SLAIN1: variants seen among roughly 807,000 people sequenced by gnomAD.
SLAIN1 encodes the protein SLAIN family member 1, also known as SLAIN motif-containing protein 1.
SLAIN1 carries 17 observed loss-of-function variants against 55.4 expected under a neutral mutation model. The observed-to-expected ratio is 0.31, with a 90% CI of 0.21 to 0.46. SLAIN1 has a LOEUF of 0.46. Ranked by LOEUF, SLAIN1 falls within the 20% of genes least tolerant of loss-of-function variation. The probability of loss-of-function intolerance (pLI) is 1.00; values close to 1 mark genes in which losing one functional copy is unlikely to be tolerated. For synonymous variants in SLAIN1, 348 were observed against 337.4 expected, an observed-to-expected ratio of 1.03 and a Z score of -0.35; for missense variants, 682 against 785.1, an observed-to-expected ratio of 0.87 and a Z score of 1.57.
chr13:77,731,694 C>T (rs1872869008), intron 2 of SLAIN1, among the ~76,000 whole-genome samples: 1 of 151,874 alleles, frequency 6.6e-6, no homozygotes, highest in African/African-American at 2.4e-5. Context: ...TATAGCTATC[C>T]CAATCACAGC....
chr13:77,703,930 T>A (rs377232441), intron 1 of SLAIN1, among the ~76,000 whole-genome samples: 1 of 138,834 alleles, frequency 7.2e-6, no homozygotes, highest in South Asian at 2.2e-4. Flanking sequence ...TATTTTTATA[T>A]GTGTATATAT....
At chr13:77,740,268 A>G (rs1436503566) in intron 2 of SLAIN1, among the ~76,000 whole-genome samples, 1 of 152,014 alleles carries the variant, frequency 6.6e-6, no homozygotes, top group Non-Finnish European at 1.5e-5. Context: ...TGGTGGCTGG[A>G]AGTTTGTTGA....
chr13:77,727,533 A>G (rs1035403749), intron 2 of SLAIN1, among the ~76,000 whole-genome samples: 1 of 151,864 alleles, frequency 6.6e-6, no homozygotes, highest in Non-Finnish European at 1.5e-5. Context: ...CCCTCAAAAA[A>G]CCAAAACAGA....
intron 6 of SLAIN1, among the ~76,000 whole-genome samples, chr13:77,761,395 C>CT (rs1875010132): frequency 6.6e-6 from 1 of 152,168 alleles, no homozygotes; most frequent in Non-Finnish European, 1.5e-5. Flanking sequence ...GCTTTTGTAG[C>CT]TTTCTGCTCC....
intron 5 of SLAIN1, among the ~76,000 whole-genome samples, chr13:77,758,189 G>T (rs745613954): frequency 9.9e-5 from 15 of 152,026 alleles, no homozygotes; most frequent in South Asian, 4.1e-4. Context: ...TAGTGATGTT[G>T]AACATTTTTT....
chr13:77,739,425 T>A (rs1419054333), intron 2 of SLAIN1, among the ~76,000 whole-genome samples: 1 of 152,084 alleles, frequency 6.6e-6, no homozygotes, highest in East Asian at 1.9e-4. Flanking sequence ...CTGAAATGAC[T>A]GTAGTGAGAA....
chr13:77,700,170 T>C (rs1386081074), intron 1 of SLAIN1, among the ~76,000 whole-genome samples: 1 of 152,078 alleles, frequency 6.6e-6, no homozygotes, highest in Non-Finnish European at 1.5e-5. Flanking sequence ...ATTTCTGTCA[T>C]ATTTAGTTAG....
chr13:77,703,555 G>C (rs749605852), intron 1 of SLAIN1, among the ~76,000 whole-genome samples: 4 of 152,028 alleles, frequency 2.6e-5, no homozygotes, highest in Admixed American at 1.3e-4. Flanking sequence ...TTGAAGTGAG[G>C]TGCTGAAGTA....
intron 2 of SLAIN1, among the ~76,000 whole-genome samples, chr13:77,724,523 T>C (rs185758989): frequency 6.4e-4 from 97 of 152,336 alleles, no homozygotes; most frequent in African/African-American, 2.2e-3. Flanking sequence ...TACTGTAGTG[T>C]GGTTTTATAA....
At chr13:77,752,943 C>T (rs562361722) in intron 4 of SLAIN1, among the ~76,000 whole-genome samples, 1 of 152,318 alleles carries the variant, frequency 6.6e-6, no homozygotes, top group East Asian at 1.9e-4. Flanking sequence ...CTCACAGACA[C>T]ACCCAGGAGC....
chr13:77,706,074 C>T (rs2091086561), intron 1 of SLAIN1, among the ~76,000 whole-genome samples: 1 of 152,002 alleles, frequency 6.6e-6, no homozygotes, highest in South Asian at 2.1e-4. Flanking sequence ...TCCTCTACTC[C>T]CTCCTCCTGC....
At position 77,698,788 on chromosome 13, in the gene SLAIN1, A is replaced by T. The variant is rs1358010831; in HGVS notation, c.626+249A>T. ...GATGAACCGGCCCCCCCTTCCCCCC[A>T]TCTGCCATGGGTTCTGCTATTTGCT... On this transcript the variant is annotated intron_variant, in intron 1 of 6. Coordinates refer to ENST00000418532, the MANE Select transcript of SLAIN1 (RefSeq NM_001242868.2). This position sits in a 1 kb window ranked among gnomAD's most constrained non-coding sequence, Gnocchi z 4.1. The T allele has an allele frequency of 1.6e-6, 2 of 1,284,178 alleles. No homozygotes were observed. Among genetic ancestry groups the T allele is most frequent in the African/African-American group, 3.0e-5 (2 of 67,058 alleles). The allele number at this position is 1,284,178 out of a possible 1,614,324, so 79.5% of individuals were successfully genotyped here. A position where few individuals can be genotyped will look rare whatever the true frequency, so the allele number is the denominator to read the frequency against.
intron 2 of SLAIN1, among the ~76,000 whole-genome samples, chr13:77,736,539 TA>T (rs1873128928): frequency 6.6e-6 from 1 of 152,076 alleles, no homozygotes; most frequent in Admixed American, 6.6e-5. Flanking sequence ...CCTCTTTTTT[TA>T]AACAACAACA....
chr13:77,722,354 T>A (rs990022542), intron 2 of SLAIN1, among the ~76,000 whole-genome samples: 1 of 152,128 alleles, frequency 6.6e-6, no homozygotes, highest in Non-Finnish European at 1.5e-5. Flanking sequence ...AAAATTCTTT[T>A]TTAAAAAATT....
chr13:77,711,146 C>T (rs552073314), intron 1 of SLAIN1, among the ~76,000 whole-genome samples: 1 of 152,188 alleles, frequency 6.6e-6, no homozygotes, highest in African/African-American at 2.4e-5. Context: ...CTCAGATCAA[C>T]ACCCTAATAT....
intron 2 of SLAIN1, among the ~76,000 whole-genome samples, chr13:77,738,917 C>T (rs567877760): frequency 1.5e-4 from 23 of 152,170 alleles, no homozygotes; most frequent in Admixed American, 8.5e-4. Flanking sequence ...TTCCAGAATT[C>T]GGTGGCAGCT....
chr13:77,763,131 T>C lies in SLAIN1; in HGVS notation c.1698-14T>C. 6.2e-7 allele frequency: 1 copy of C among 1,610,256 alleles called. No homozygotes were observed. Among genetic ancestry groups the C allele is most frequent in the Non-Finnish European group, 8.5e-7 (1 of 1,176,542 alleles). On this transcript the variant is annotated splice_polypyrimidine_tract_variant and intron_variant, in intron 6 of 6. Coordinates refer to ENST00000418532, the MANE Select transcript of SLAIN1 (RefSeq NM_001242868.2). ...TTAACAATCTCTCTCTCTGTTTTTC[T>C]TGTCTCTTTTTAGTTTTCTTCAGCC...
rs1258416248 is a variant in SLAIN1 at position 77,746,654 on chromosome 13, C to T, written c.1057C>T (p.His353Tyr). ...TCTGGAGGATGAAGAGGAATTTGAT[C>T]ATTTGCCACCACCTCAGCCTCGTCT... Reference protein sequence around the residue: ...YSLEDEEEFDHLPPPQPRLPR... With the variant: ...YSLEDEEEFDYLPPPQPRLPR... The change falls in exon 4 of 7, where the codon CAT (histidine) becomes TAT (tyrosine). Residue 353 changes from histidine (H) to tyrosine (Y), a missense_variant. By Grantham distance (83) the His-to-Tyr change is moderately conservative. Around this residue, in one of 3 missense-constraint regions of SLAIN1, gnomAD observed 244 missense variants for 295.2 expected, o/e 0.83. Coordinates refer to ENST00000418532, the MANE Select transcript of SLAIN1 (RefSeq NM_001242868.2). The T allele has an allele frequency of 6.2e-7, 1 of 1,613,734 alleles. No individual in the cohort carries two copies. Among genetic ancestry groups the T allele is most frequent in the Non-Finnish European group, 8.5e-7 (1 of 1,179,798 alleles).
At chr13:77,708,765 A>G (rs1037873263) in intron 1 of SLAIN1, among the ~76,000 whole-genome samples, 6 of 152,182 alleles carry the variant, frequency 3.9e-5, no homozygotes, top group Admixed American at 3.3e-4. Context: ...AAGGTCACCA[A>G]CATCAAAGAC....
Sources: gnomAD v4.1 joint callset for allele counts (sites outside exome capture counted in the v4.1 genomes callset) on GRCh38, gnomAD v4.1.1 for gene constraint, gnomAD v4.1.1 regional missense constraint, Gnocchi (gnomAD v3.1) non-coding constraint, MANE v1.5 for transcripts, NCBI Gene and HGNC (gene_info 2026-07-23, HGNC 2026-07-21) for gene names.